Variants in ANO3 observed in about 807,000 individuals in gnomAD.
ANO3 encodes anoctamin-3.
A neutral mutation model predicts 144.8 loss-of-function variants in ANO3; 99 were observed. The ratio of observed to expected loss-of-function variants is 0.68; its 90% CI spans 0.58 to 0.81. ANO3 has a LOEUF of 0.81. Ranked by LOEUF, ANO3 falls within the 30% of genes least tolerant of loss-of-function variation. The pLI is 0.00. For missense variants in ANO3, 905 were observed against 1,202.2 expected, an observed-to-expected ratio of 0.75 and a Z score of 3.66; for synonymous variants, 414 against 392.6, an observed-to-expected ratio of 1.05 and a Z score of -0.64.
chr11:26,566,292 C>A (rs889277707), intron 14 of ANO3, among the ~76,000 whole-genome samples: 1 of 151,932 alleles, frequency 6.6e-6, no homozygotes, highest in Non-Finnish European at 1.5e-5. Context: ...CCATGTAGAG[C>A]TGGCTGATTT....
intron 1 of ANO3, among the ~76,000 whole-genome samples, chr11:26,379,759 C>T (rs1856535119): frequency 6.6e-6 from 1 of 152,096 alleles, no homozygotes; most frequent in Non-Finnish European, 1.5e-5. Context: ...TGCCACTGCA[C>T]TCCAGCCTGT....
At chr11:26,548,818 G>T (rs12279531) in intron 12 of ANO3, among the ~76,000 whole-genome samples, 7,964 of 151,802 alleles carry the variant, frequency 0.052, 266 homozygotes, top group Admixed American at 0.095. Context: ...ATCCTGCAAG[G>T]TAGCATCTTC....
intron 1 of ANO3, among the ~76,000 whole-genome samples, chr11:26,213,845 G>C (rs1399967277): frequency 6.6e-6 from 1 of 151,974 alleles, no homozygotes; most frequent in African/African-American, 2.4e-5. Flanking sequence ...ATTAGTAAAG[G>C]TGAGATAAAA....
chr11:26,418,712 G>A (rs890092817), intron 1 of ANO3, among the ~76,000 whole-genome samples: 6 of 151,510 alleles, frequency 4.0e-5, no homozygotes, highest in African/African-American at 7.3e-5. Flanking sequence ...AAGCGCGCGC[G>A]CGCACACACA....
chr11:26,655,788 T>A (rs1388311441), intron 24 of ANO3, among the ~76,000 whole-genome samples: 1 of 152,250 alleles, frequency 6.6e-6, no homozygotes, highest in East Asian at 1.9e-4. Flanking sequence ...AATTGAATAA[T>A]ATTATGTGCA....
Position 26,598,464 on chromosome 11 carries a change from C to T in ANO3, c.1530+17C>T. On this transcript the variant is annotated intron_variant, in intron 15 of 26. Coordinates refer to ENST00000256737, the MANE Select transcript of ANO3 (RefSeq NM_031418.4). ...GAAGAGGAGGTAAGATGTTAGGATA[C>T]AAGGAAATAGGGAAACTGGGCTATT... 2 of 1,537,882 alleles carry T rather than the reference C, an allele frequency of 1.3e-6. No individual in the cohort carries two copies. The highest frequency in any genetic ancestry group is 1.8e-6 in the Non-Finnish European group (2 of 1,129,514).
chr11:26,381,236 T>C (rs10767519), intron 1 of ANO3, among the ~76,000 whole-genome samples: 82,030 of 151,988 alleles, frequency 0.54, 23,229 homozygotes, highest in East Asian at 0.68. Flanking sequence ...AACCCATTAT[T>C]CTAACTTCAG....
intron 17 of ANO3, among the ~76,000 whole-genome samples, chr11:26,602,335 A>T (rs1590618882): frequency 6.6e-6 from 1 of 152,108 alleles, no homozygotes; most frequent in Admixed American, 6.5e-5. Context: ...TTTTTTGCCC[A>T]CTGTGGGCAG....
At chr11:26,293,996 A>G (rs1007986995) in intron 1 of ANO3, among the ~76,000 whole-genome samples, 1 of 152,094 alleles carries the variant, frequency 6.6e-6, no homozygotes, top group Non-Finnish European at 1.5e-5. Context: ...TTGCACTTCA[A>G]TGGAAGAGTC....
chr11:26,593,903 T>A, intron 14 of ANO3, among the ~76,000 whole-genome samples: 1 of 152,230 alleles, frequency 6.6e-6, no homozygotes, highest in East Asian at 1.9e-4. Flanking sequence ...ATCTCTATTA[T>A]AAAAAACCAA....
At chr11:26,383,550 C>A (rs193266999) in intron 1 of ANO3, among the ~76,000 whole-genome samples, 1 of 119,950 alleles carries the variant, frequency 8.3e-6, no homozygotes, top group African/African-American at 2.7e-5. Context: ...TTACCCTATC[C>A]TAAATGACTT....
chr11:26,485,387 A>G (rs930796987), intron 4 of ANO3, among the ~76,000 whole-genome samples: 2 of 151,608 alleles, frequency 1.3e-5, no homozygotes, highest in Non-Finnish European at 2.9e-5. Flanking sequence ...AGTGTGGGGC[A>G]CCTTCCTATT....
At chr11:26,541,618 T>C (rs1187569253) in intron 10 of ANO3, among the ~76,000 whole-genome samples, 1 of 124,992 alleles carries the variant, frequency 8.0e-6, no homozygotes, top group Non-Finnish European at 1.7e-5. Context: ...ATTATCACAA[T>C]TTCTCTCAAT....
intron 1 of ANO3, among the ~76,000 whole-genome samples, chr11:26,238,311 A>T (rs1852579046): frequency 6.6e-6 from 1 of 152,158 alleles, no homozygotes; most frequent in Admixed American, 6.5e-5. Context: ...TTAAATGTAG[A>T]GCCAAAACTG....
At chr11:26,625,603 T>G (rs1190349676) in intron 18 of ANO3, among the ~76,000 whole-genome samples, 1 of 152,224 alleles carries the variant, frequency 6.6e-6, no homozygotes, top group Non-Finnish European at 1.5e-5. Flanking sequence ...GCCACTTTTT[T>G]GCTTATTTTT....
intron 1 of ANO3, among the ~76,000 whole-genome samples, chr11:26,435,901 C>G (rs1474797397): frequency 2.6e-5 from 4 of 152,202 alleles, no homozygotes; most frequent in Non-Finnish European, 5.9e-5. Flanking sequence ...TTTCAGTCAA[C>G]TCAACCTGGT....
chr11:26,621,020 G>C (rs1283501068), intron 17 of ANO3, among the ~76,000 whole-genome samples: 2 of 152,164 alleles, frequency 1.3e-5, no homozygotes, highest in Admixed American at 1.3e-4. Context: ...TTTCAATTCT[G>C]CAAAAGCTTG....
intron 1 of ANO3, among the ~76,000 whole-genome samples, chr11:26,223,345 C>T (rs1341279502): frequency 6.6e-6 from 1 of 152,086 alleles, no homozygotes; most frequent in African/African-American, 2.4e-5. Flanking sequence ...ATAAATTACT[C>T]ATTTTGATCT....
chr11:26,263,425 T>A (rs927993138), intron 1 of ANO3, among the ~76,000 whole-genome samples: 6 of 152,202 alleles, frequency 3.9e-5, no homozygotes, highest in Admixed American at 3.9e-4. Context: ...TCTACCAGGT[T>A]ATCCCATACC....
Sources: allele counts gnomAD v4.1 joint callset (sites outside exome capture counted in the v4.1 genomes callset), GRCh38; gene constraint gnomAD v4.1.1; transcripts MANE v1.5; gene names NCBI Gene and HGNC (gene_info 2026-07-23, HGNC 2026-07-21).